MLYCD: variants seen among roughly 807,000 people sequenced by gnomAD.
MLYCD encodes malonyl-CoA decarboxylase, mitochondrial.
In MLYCD, 27 loss-of-function variants were observed where a neutral mutation model predicts 35.8. The observed-to-expected ratio is 0.75, with a 90% CI of 0.56 to 1.04. The LOEUF (loss-of-function observed/expected upper bound fraction) is 1.04. Among genes scored for constraint, MLYCD ranks in the 50% least tolerant of loss-of-function variants. The pLI, the probability that MLYCD is intolerant of heterozygous loss-of-function variation, is 0.00. For missense variants in MLYCD, 917 were observed against 665.1 expected (o/e 1.38, Z -4.17); for synonymous variants, 403 against 302.4 (o/e 1.33, Z -3.45).
At chr16:83,900,483 C>T (rs908321348) in intron 1 of MLYCD, among the ~76,000 whole-genome samples, 7 of 151,780 alleles carry the variant, frequency 4.6e-5, no homozygotes, top group Non-Finnish European at 8.8e-5. Context: ...GGTGTTATCA[C>T]GGCTCACTGC....
chr16:83,917,070 CTGTGTGCG>C lies in MLYCD; in HGVS notation c.*1586_*1593del, dbSNP rs1567638181. The C allele has an allele frequency of 1.4e-4, 5 of 36,098 alleles. 1 individual carries two copies. Among genetic ancestry groups the C allele is most frequent in the African/African-American group, 3.8e-4 (4 of 10,470 alleles). 2.2% of individuals were successfully genotyped at this position (36,098 alleles called of 1,614,324 possible). A position where few individuals can be genotyped will look rare whatever the true frequency, so the allele number is the denominator to read the frequency against. On this transcript the variant is annotated 3_prime_UTR_variant, in exon 5 of 5. Transcript: ENST00000262430. ...CGTCTCTGTGTGGATCAGTGCACGT[CTGTGTGCG>C]TGTGCACGAGCGTCTCTGTGGATCA...
Position 83,919,224 on chromosome 16 carries a change from GA to G in MLYCD, c.*3737del, listed in dbSNP as rs1337836001. On this transcript the variant is annotated 3_prime_UTR_variant, in exon 5 of 5. Coordinates refer to ENST00000262430, the MANE Select transcript of MLYCD (RefSeq NM_012213.3). Reference sequence around the variant, plus strand: ...GCACAGGAGAACACAGTGCACAGGAGAACACACACACACACTGCACAGGAGA... The same window carrying G: ...GCACAGGAGAACACAGTGCACAGGAGACACACACACACACTGCACAGGAGA... 6.8e-6 allele frequency: 1 copy of G among 147,882 alleles called. No individual in the cohort carries two copies. Among genetic ancestry groups the G allele is most frequent in the Non-Finnish European group, 1.5e-5 (1 of 67,546 alleles). The allele number at this position is 147,882 out of a possible 1,614,324, so 9.2% of individuals were successfully genotyped here. A position where few individuals can be genotyped will look rare whatever the true frequency, so the allele number is the denominator to read the frequency against.
intron 2 of MLYCD, 93 bp from the exon 3 acceptor site, chr16:83,908,033 T>C: frequency 6.6e-7 from 1 of 1,509,962 alleles, no homozygotes; most frequent in Non-Finnish European, 9.1e-7. Flanking sequence ...TTTAAAGAAC[T>C]TGTTTGACTT....
chr16:83,904,062 A>G (rs1167315980), intron 1 of MLYCD, among the ~76,000 whole-genome samples: 2 of 152,212 alleles, frequency 1.3e-5, no homozygotes, highest in East Asian at 1.9e-4. Context: ...CCAGTGTCAC[A>G]TTTTGTAGCT....
chr16:83,910,702 A>T (rs1201102219), intron 3 of MLYCD, among the ~76,000 whole-genome samples: 2 of 151,984 alleles, frequency 1.3e-5, no homozygotes, highest in African/African-American at 4.8e-5. Flanking sequence ...AAAAAAAAAA[A>T]AAAAAGAAAG....
At chr16:83,908,872 G>T (rs1907074622) in intron 3 of MLYCD, among the ~76,000 whole-genome samples, 1 of 152,206 alleles carries the variant, frequency 6.6e-6, no homozygotes, top group African/African-American at 2.4e-5. Flanking sequence ...GCAGGGTCTG[G>T]AAATAGGAGT....
chr16:83,901,208 T>G (rs887334756), intron 1 of MLYCD, among the ~76,000 whole-genome samples: 1 of 152,206 alleles, frequency 6.6e-6, no homozygotes. Flanking sequence ...ATTCTTACTG[T>G]GTTGAATTAT....
rs12935116 is a variant in MLYCD at position 83,916,867 on chromosome 16, C to G, written c.*1378C>G. 1.4e-5 allele frequency: 1 copy of G among 73,866 alleles called. No individual in the cohort carries two copies. The allele number at this position is 73,866 out of a possible 1,614,324, so 4.6% of individuals were successfully genotyped here. A position where few individuals can be genotyped will look rare whatever the true frequency, so the allele number is the denominator to read the frequency against. Reference sequence around the variant, plus strand: ...TCAGTGCACGTCTGTGTGCGTGTGCCCGAGCGTCTCTGTGTGGATCAGTGC... The same window carrying G: ...TCAGTGCACGTCTGTGTGCGTGTGCGCGAGCGTCTCTGTGTGGATCAGTGC... On this transcript the variant is annotated 3_prime_UTR_variant, in exon 5 of 5. Transcript: ENST00000262430.
chr16:83,903,791 G>A (rs1016071325), intron 1 of MLYCD, among the ~76,000 whole-genome samples: 11 of 152,274 alleles, frequency 7.2e-5, no homozygotes, highest in African/African-American at 1.7e-4. Context: ...AAACACTCCA[G>A]CAGAATCCAC....
Position 83,923,092 on chromosome 16 carries a change from C to G in MLYCD, c.*7603C>G, listed in dbSNP as rs1187153776. The G allele has an allele frequency of 1.3e-5, 2 of 152,308 alleles. No homozygotes were observed. The highest frequency in any genetic ancestry group is 4.8e-5 in the African/African-American group (2 of 41,456). 9.4% of individuals were successfully genotyped at this position (152,308 alleles called of 1,614,324 possible). On this transcript the variant is annotated 3_prime_UTR_variant, in exon 5 of 5. Coordinates refer to ENST00000262430, the MANE Select transcript of MLYCD (RefSeq NM_012213.3). The stretch of plus-strand genomic sequence containing the variant: ...CTCTCTGTGTCTTTCTCTTTCTACC[C>G]TCTCCATCCCTCCTTCCCTCTGAGG...
chr16:83,922,218 G>T lies in MLYCD; in HGVS notation c.*6729G>T, dbSNP rs1358707857. The T allele has an allele frequency of 2.0e-5, 3 of 151,960 alleles. No individual in the cohort carries two copies. The highest frequency in any genetic ancestry group is 7.3e-5 in the African/African-American group (3 of 41,334). 9.4% of individuals were successfully genotyped at this position (151,960 alleles called of 1,614,324 possible). ...CTGAGGCCCGACCTGTGCTTCCGGA[G>T]CCCGCGTCCCGTCCCATCTCAGGAG... On this transcript the variant is annotated 3_prime_UTR_variant, in exon 5 of 5. Transcript: ENST00000262430.
In MLYCD at chr16:83,917,439, CCT is replaced by C. The variant is rs1188011381; in HGVS notation, c.*1951_*1952del. ...TCTGTGTGCGTGTGTCCGCAGTTGC[CCT>C]GTCCTCGCTGTCCTCGGTTTGGCAG... On this transcript the variant is annotated 3_prime_UTR_variant, in exon 5 of 5. Transcript: ENST00000262430. 1 of 154,694 alleles carries C rather than the reference CCT, an allele frequency of 6.5e-6. No individual in the cohort carries two copies. The highest frequency in any genetic ancestry group is 1.5e-5 in the Non-Finnish European group (1 of 68,320). 9.6% of individuals were successfully genotyped at this position (154,694 alleles called of 1,614,324 possible). A position where few individuals can be genotyped will look rare whatever the true frequency, so the allele number is the denominator to read the frequency against.
At position 83,921,129 on chromosome 16, in the gene MLYCD, T is replaced by G; in HGVS notation, c.*5640T>G. ...ATGGATGGATGGATGGAGGGTAGAG[T>G]TTTAATGGAAGGAAGATGGATGGAC... On this transcript the variant is annotated 3_prime_UTR_variant, in exon 5 of 5. Coordinates refer to ENST00000262430, the MANE Select transcript of MLYCD (RefSeq NM_012213.3). 7.6e-6 allele frequency: 1 copy of G among 132,030 alleles called. No homozygotes were observed. Among genetic ancestry groups the G allele is most frequent in the Non-Finnish European group, 1.6e-5 (1 of 61,914 alleles). The allele number at this position is 132,030 out of a possible 1,614,324, so 8.2% of individuals were successfully genotyped here. A position where few individuals can be genotyped will look rare whatever the true frequency, so the allele number is the denominator to read the frequency against.
At chr16:83,912,169 G>C in intron 3 of MLYCD, 49 bp from the exon 4 acceptor site, 1 of 1,613,282 alleles carries the variant, frequency 6.2e-7, no homozygotes, top group Non-Finnish European at 8.5e-7. Context: ...TGCCTCGTGG[G>C]CTGCAGAGCG....
Position 83,915,477 on chromosome 16 carries a change from C to T in MLYCD, c.1470C>T (p.Asn490=). ...VLSLVAQFQK[N]SKL ...GCCTAGTGGCCCAGTTTCAAAAGAA[C>T]AGCAAGCTCTGACAGTAAACCTCTC... The change falls in exon 5 of 5, where the codon AAC becomes AAT. Residue 490 remains asparagine, a synonymous_variant. Coordinates refer to ENST00000262430, the MANE Select transcript of MLYCD (RefSeq NM_012213.3). 6.2e-7 allele frequency: 1 copy of T among 1,611,938 alleles called. No individual in the cohort carries two copies. Among genetic ancestry groups the T allele is most frequent in the Non-Finnish European group, 8.5e-7 (1 of 1,180,002 alleles).
chr16:83,902,182 T>G (rs1410244238), intron 1 of MLYCD, among the ~76,000 whole-genome samples: 2 of 144,956 alleles, frequency 1.4e-5, no homozygotes, highest in Non-Finnish European at 3.0e-5. Flanking sequence ...TATATATATA[T>G]ATATATATGG....
chr16:83,910,781 G>A (rs147227868), intron 3 of MLYCD, among the ~76,000 whole-genome samples: 70 of 152,126 alleles, frequency 4.6e-4, no homozygotes, highest in African/African-American at 1.5e-3. Context: ...CATAGAGCAC[G>A]GTGCAGGACA....
rs1907501951 is a variant in MLYCD, at chr16:83,918,290, A to G, written c.*2801A>G. The G allele has an allele frequency of 6.6e-6, 1 of 152,182 alleles. No homozygotes were observed. The highest frequency in any genetic ancestry group is 1.5e-5 in the Non-Finnish European group (1 of 68,028). The allele number at this position is 152,182 out of a possible 1,614,324, so 9.4% of individuals were successfully genotyped here. On this transcript the variant is annotated 3_prime_UTR_variant, in exon 5 of 5. Coordinates refer to ENST00000262430, the MANE Select transcript of MLYCD (RefSeq NM_012213.3). ...CATACATGGTGCACAGAACACACAC[A>G]GTGCACAGAACACAGTGCACAGGAG...
rs924130022 is a variant in MLYCD at position 83,915,807 on chromosome 16, A to G, written c.*318A>G. ...TGCTGTGGTACCTACATCTTCAGGA[A>G]GCTGTGCAGCCTCTGCCATTGCCAT... On this transcript the variant is annotated 3_prime_UTR_variant, in exon 5 of 5. Coordinates refer to ENST00000262430, the MANE Select transcript of MLYCD (RefSeq NM_012213.3). 84 of 1,267,118 alleles carry G rather than the reference A, an allele frequency of 6.6e-5. No homozygotes were observed. In the African/African-American group the frequency reaches 1.1e-3, roughly 17 times the overall value. 78.5% of individuals were successfully genotyped at this position (1,267,118 alleles called of 1,614,324 possible). A position where few individuals can be genotyped will look rare whatever the true frequency, so the allele number is the denominator to read the frequency against.
Sources: gnomAD v4.1 joint callset for allele counts (sites outside exome capture counted in the v4.1 genomes callset) on GRCh38, gnomAD v4.1.1 for gene constraint, MANE v1.5 for transcripts, NCBI Gene and HGNC (gene_info 2026-07-23, HGNC 2026-07-21) for gene names.